The following BACH2 variants were observed in gnomAD, a reference collection of about 807,000 sequenced individuals.
BACH2 encodes BACH transcriptional regulator 2.
A neutral mutation model predicts 61.8 loss-of-function variants in BACH2; 5 were observed. The observed-to-expected ratio is 0.08, with a 90% CI of 0.04 to 0.17. The LOEUF (loss-of-function observed/expected upper bound fraction) is 0.17. Among genes scored for constraint, BACH2 ranks in the 10% least tolerant of loss-of-function variants. The probability of loss-of-function intolerance (pLI) is 1.00; values close to 1 mark genes in which losing one functional copy is unlikely to be tolerated. For synonymous variants in BACH2, 446 were observed against 440.1 expected (o/e 1.01, Z -0.17); for missense variants, 824 against 1,091.1 (o/e 0.76, Z 3.45).
At chr6:90,022,302 G>A (rs1035121253) in intron 5 of BACH2, among the ~76,000 whole-genome samples, 7 of 152,118 alleles carry the variant, frequency 4.6e-5, no homozygotes, top group East Asian at 1.9e-4. Context: ...AATCGACATC[G>A]GTCAGGCGCG....
At position 90,254,795 on chromosome 6, in the gene BACH2, C is replaced by T. The variant is rs555574916; in HGVS notation, c.-352-2205G>A. 3.3e-5 allele frequency among the ~76,000 whole-genome samples: 5 copies of T among 152,190 alleles called. No individual in the cohort carries two copies. In the East Asian group the frequency reaches 9.6e-4, roughly 29 times the overall value. On this transcript the variant is annotated intron_variant, in intron 2 of 8. Coordinates refer to ENST00000257749, the MANE Select transcript of BACH2 (RefSeq NM_021813.4). The stretch of plus-strand genomic sequence containing the variant: ...TGTATAAAGAGGTCTCTTGTCAATT[C>T]ATTATCATCCACTTACAAGTATTTT...
intron 7 of BACH2, among the ~76,000 whole-genome samples, chr6:89,939,741 T>C (rs1773296841): frequency 7.0e-6 from 1 of 142,494 alleles, no homozygotes; most frequent in Non-Finnish European, 1.5e-5. Flanking sequence ...CACAGCTCAC[T>C]GTAGCCTTAA....
chr6:90,113,337 T>C (rs983002490), intron 4 of BACH2, among the ~76,000 whole-genome samples: 2 of 152,156 alleles, frequency 1.3e-5, no homozygotes, highest in African/African-American at 2.4e-5. Flanking sequence ...TACTCTAAAA[T>C]AGACCACATA....
At chr6:90,271,382 AG>A (rs148882631) in intron 2 of BACH2, among the ~76,000 whole-genome samples, 9 of 143,786 alleles carry the variant, frequency 6.3e-5, no homozygotes, top group South Asian at 2.1e-4. Context: ...AAAAAAAAAA[AG>A]AAAAAAGAAA....
intron 5 of BACH2, among the ~76,000 whole-genome samples, chr6:90,071,670 C>T (rs761675944): frequency 2.6e-5 from 4 of 152,166 alleles, no homozygotes; most frequent in Non-Finnish European, 4.4e-5. Flanking sequence ...TTGCATAACA[C>T]AGGGGTTGGG....
intron 5 of BACH2, among the ~76,000 whole-genome samples, chr6:90,036,534 C>G (rs976969081): frequency 6.6e-6 from 1 of 152,084 alleles, no homozygotes; most frequent in African/African-American, 2.4e-5. Context: ...CACCTACATA[C>G]CCATCACTTA....
intron 6 of BACH2, among the ~76,000 whole-genome samples, chr6:89,964,454 T>A (rs185004153): frequency 1.1e-3 from 175 of 152,310 alleles, no homozygotes; most frequent in African/African-American, 3.5e-3. Flanking sequence ...TTATTTTTTT[T>A]AAAATCACAA....
intron 6 of BACH2, among the ~76,000 whole-genome samples, chr6:89,983,716 G>A (rs915052556): frequency 1.5e-4 from 23 of 152,138 alleles, no homozygotes; most frequent in Admixed American, 1.1e-3. Flanking sequence ...AGTCACACAC[G>A]TGGCTACTGG....
chr6:90,018,262 TTC>T (rs1173475248), intron 5 of BACH2, among the ~76,000 whole-genome samples: 2 of 152,040 alleles, frequency 1.3e-5, no homozygotes, highest in Non-Finnish European at 2.9e-5. Context: ...ATCTCTGGAG[TTC>T]TCTCTCTGCA....
chr6:90,243,585 T>A (rs570929614), intron 3 of BACH2, among the ~76,000 whole-genome samples: 8 of 152,322 alleles, frequency 5.3e-5, no homozygotes, highest in Non-Finnish European at 1.2e-4. Flanking sequence ...GGTCTTTACA[T>A]AACGTTCATT....
At chr6:90,135,442 A>T (rs1784239233) in intron 4 of BACH2, among the ~76,000 whole-genome samples, 1 of 152,206 alleles carries the variant, frequency 6.6e-6, no homozygotes, top group South Asian at 2.1e-4. Flanking sequence ...AAAGTAAAGC[A>T]TTAGGCTGGG....
intron 1 of BACH2, among the ~76,000 whole-genome samples, chr6:90,278,226 C>A (rs1328131337): frequency 6.6e-6 from 1 of 152,232 alleles, no homozygotes; most frequent in African/African-American, 2.4e-5. Flanking sequence ...CTCTTCTTCT[C>A]ACTGACTTCT....
chr6:90,009,534 C>T (rs1777595250), intron 5 of BACH2, among the ~76,000 whole-genome samples: 1 of 152,204 alleles, frequency 6.6e-6, no homozygotes, highest in Non-Finnish European at 1.5e-5. Context: ...GTTATCCCAG[C>T]TGAATTGATG....
rs540623449 is a variant in BACH2, at chr6:90,113,874, G to A, written c.-161-24765C>T. 2.6e-5 allele frequency among the ~76,000 whole-genome samples: 4 copies of A among 152,072 alleles called. No individual in the cohort carries two copies. The East Asian group carries it at 7.7e-4, about 29-fold the overall frequency. The stretch of plus-strand genomic sequence containing the variant: ...CCACACAGAAATAAAACAACCATCA[G>A]AAACGATTACAAACACGTCTACACA... On this transcript the variant is annotated intron_variant, in intron 4 of 8. Transcript: ENST00000257749.
intron 4 of BACH2, among the ~76,000 whole-genome samples, chr6:90,127,073 C>G (rs1202689592): frequency 6.6e-6 from 1 of 152,164 alleles, no homozygotes; most frequent in African/African-American, 2.4e-5. Context: ...AAGTGACGCT[C>G]AAAATTAATT....
At chr6:89,970,892 A>G (rs1010689627) in intron 6 of BACH2, among the ~76,000 whole-genome samples, 10 of 152,248 alleles carry the variant, frequency 6.6e-5, no homozygotes, top group African/African-American at 2.4e-4. Context: ...GAAAGAGAGC[A>G]AGGCAAAGAG....
chr6:90,108,151 C>A (rs1441024144), intron 4 of BACH2, among the ~76,000 whole-genome samples: 1 of 152,172 alleles, frequency 6.6e-6, no homozygotes, highest in Non-Finnish European at 1.5e-5. Flanking sequence ...AGACACAGTT[C>A]ACTTCCTTTT....
At chr6:90,055,809 A>G (rs1393933731) in intron 5 of BACH2, among the ~76,000 whole-genome samples, 13 of 152,088 alleles carry the variant, frequency 8.5e-5, no homozygotes, top group African/African-American at 3.1e-4. Flanking sequence ...AAGAGTGGGG[A>G]CCAATATTCA....
chr6:90,220,706 C>T (rs555608996), intron 3 of BACH2, among the ~76,000 whole-genome samples: 68 of 152,192 alleles, frequency 4.5e-4, no homozygotes, highest in African/African-American at 1.5e-3. Context: ...CAGATGATGG[C>T]GTCTATTAAA....
Sources: gnomAD v4.1 joint callset for allele counts (sites outside exome capture counted in the v4.1 genomes callset) on GRCh38, gnomAD v4.1.1 for gene constraint, MANE v1.5 for transcripts, NCBI Gene and HGNC (gene_info 2026-07-23, HGNC 2026-07-21) for gene names.